SLIT3: variants seen among roughly 807,000 people sequenced by gnomAD.
The protein encoded by SLIT3 is slit homolog 3 protein.
SLIT3 carries 68 observed loss-of-function variants against 184.0 expected under a neutral mutation model. The ratio of observed to expected loss-of-function variants is 0.37; its 90% CI spans 0.30 to 0.45. The LOEUF (loss-of-function observed/expected upper bound fraction) is 0.45. SLIT3 is among the 20% of genes least tolerant of loss of function. SLIT3 has a pLI of 1.00. For synonymous variants in SLIT3, 831 were observed against 828.6 expected (o/e 1.00, Z -0.05); for missense variants, 1,707 against 2,026.0 (o/e 0.84, Z 3.02).
intron 4 of SLIT3, among the ~76,000 whole-genome samples, chr5:169,118,285 T>C (rs1760763070): frequency 1.3e-5 from 2 of 152,184 alleles, no homozygotes; most frequent in Non-Finnish European, 2.9e-5. Flanking sequence ...TTATTAGATA[T>C]GTTGTATGTT....
intron 27 of SLIT3, among the ~76,000 whole-genome samples, chr5:168,699,435 G>A (rs1408990479): frequency 2.6e-5 from 4 of 152,214 alleles, no homozygotes; most frequent in Non-Finnish European, 5.9e-5. Context: ...GCTCACCAGG[G>A]ATGCCAAAGG....
chr5:168,689,763 T>C (rs2113241769), intron 29 of SLIT3, among the ~76,000 whole-genome samples: 1 of 152,330 alleles, frequency 6.6e-6, no homozygotes, highest in East Asian at 1.9e-4. Flanking sequence ...ACTGTGTATC[T>C]CTTTGGCTAA....
intron 4 of SLIT3, among the ~76,000 whole-genome samples, chr5:168,887,586 G>A (rs1377639205): frequency 6.6e-6 from 1 of 152,154 alleles, no homozygotes; most frequent in Non-Finnish European, 1.5e-5. Context: ...CACATTAGTT[G>A]TGTGAATCTG....
intron 4 of SLIT3, among the ~76,000 whole-genome samples, chr5:168,935,280 G>A (rs566714743): frequency 2.0e-5 from 3 of 152,264 alleles, no homozygotes; most frequent in African/African-American, 7.2e-5. Context: ...AAAATGTGGT[G>A]AAGTTGGGAT....
chr5:169,150,783 C>G (rs970339474), intron 4 of SLIT3, among the ~76,000 whole-genome samples: 7 of 152,094 alleles, frequency 4.6e-5, no homozygotes, highest in Admixed American at 3.9e-4. Context: ...CTACTGGTCT[C>G]CAAAGGATCT....
chr5:168,976,409 G>A (rs1754763555), intron 4 of SLIT3, among the ~76,000 whole-genome samples: 1 of 152,212 alleles, frequency 6.6e-6, no homozygotes, highest in Non-Finnish European at 1.5e-5. Context: ...GCATACCACT[G>A]CCTAGTTGTT....
intron 20 of SLIT3, among the ~76,000 whole-genome samples, chr5:168,727,186 G>A (rs11738787): frequency 0.15 from 22,889 of 151,978 alleles, 2,294 homozygotes; most frequent in Non-Finnish European, 0.22. Context: ...TAGGTGTGGT[G>A]GTGCATGCCT....
chr5:168,949,037 C>A (rs1762569540), intron 4 of SLIT3, among the ~76,000 whole-genome samples: 1 of 152,166 alleles, frequency 6.6e-6, no homozygotes, highest in Admixed American at 6.6e-5. Flanking sequence ...CTATGCCCAC[C>A]CCACCTCTCC....
intron 4 of SLIT3, among the ~76,000 whole-genome samples, chr5:168,928,229 A>G (rs1761891778): frequency 6.6e-6 from 1 of 152,216 alleles, no homozygotes; most frequent in African/African-American, 2.4e-5. Flanking sequence ...AAATTGGCTC[A>G]TATGTTAAAA....
rs1034011408 is a variant in SLIT3, at chr5:169,094,802, T to C, written c.413+98677A>G. ...CACTGCTTTGTAAATAAAGCTTTAT[T>C]AGAACACAACCATTTCCATTCATTT... On this transcript the variant is annotated intron_variant, in intron 4 of 35. Transcript: ENST00000519560. Among the ~76,000 whole-genome samples, 15 of 152,334 alleles carry C rather than the reference T, an allele frequency of 9.8e-5. 1 individual carries two copies. Among genetic ancestry groups the C allele is most frequent in the South Asian group, 6.2e-4 (3 of 4,830 alleles).
intron 4 of SLIT3, among the ~76,000 whole-genome samples, chr5:168,900,655 G>T (rs1299837884): frequency 2.0e-5 from 3 of 151,892 alleles, no homozygotes; most frequent in Non-Finnish European, 4.4e-5. Context: ...AAAAACAATT[G>T]CACTTGTATG....
chr5:168,851,349 G>A (rs111422030), intron 5 of SLIT3, among the ~76,000 whole-genome samples: 245 of 150,238 alleles, frequency 1.6e-3, no homozygotes, highest in Middle Eastern at 7.0e-3. Context: ...AGATAGTTAC[G>A]GGGGACAAGC....
intron 4 of SLIT3, among the ~76,000 whole-genome samples, chr5:169,031,088 C>T (rs1275166100): frequency 6.6e-6 from 1 of 152,098 alleles, no homozygotes; most frequent in East Asian, 1.9e-4. Flanking sequence ...GCATAGTAGT[C>T]GTACTAGTCA....
At chr5:168,668,413 A>ATTAGT (rs1761123232) in intron 35 of SLIT3, among the ~76,000 whole-genome samples, 1 of 152,120 alleles carries the variant, frequency 6.6e-6, no homozygotes, top group African/African-American at 2.4e-5. Flanking sequence ...CTAGGGTTTC[A>ATTAGT]TTAGTTTTGA....
At chr5:169,075,242 A>G (rs1413416607) in intron 4 of SLIT3, among the ~76,000 whole-genome samples, 1 of 152,232 alleles carries the variant, frequency 6.6e-6, no homozygotes, top group Non-Finnish European at 1.5e-5. Flanking sequence ...ATTCTACAAG[A>G]AAGTCTAAGT....
chr5:168,691,322 C>G (rs1761898889), intron 29 of SLIT3, among the ~76,000 whole-genome samples: 1 of 152,196 alleles, frequency 6.6e-6, no homozygotes. Context: ...TTCTATGATT[C>G]TAAATTTCTA....
chr5:169,196,830 C>T (rs906516594), intron 3 of SLIT3, among the ~76,000 whole-genome samples: 9 of 152,134 alleles, frequency 5.9e-5, no homozygotes, highest in South Asian at 2.1e-4. Flanking sequence ...GGCAATGAAC[C>T]ACCCTGTGTA....
chr5:169,149,790 G>T lies in SLIT3; in HGVS notation c.413+43689C>A, dbSNP rs528994832. ...GAGTCAGGTGAGATGGTCAATGTTA[G>T]CTGGTCCTTACTTCAGCAGAATCTA... On this transcript the variant is annotated intron_variant, in intron 4 of 35. Transcript: ENST00000519560. Among the ~76,000 whole-genome samples the T allele has an allele frequency of 3.3e-5, 5 of 152,328 alleles. No homozygotes were observed. In the South Asian group the frequency reaches 1.0e-3, roughly 32 times the overall value.
chr5:169,257,764 A>G (rs2113607465), intron 1 of SLIT3, among the ~76,000 whole-genome samples: 1 of 152,022 alleles, frequency 6.6e-6, no homozygotes, highest in African/African-American at 2.4e-5. Flanking sequence ...CATGTTGGCC[A>G]GGCTGTTCTC....
Sources: gnomAD v4.1 joint callset for allele counts (sites outside exome capture counted in the v4.1 genomes callset) on GRCh38, gnomAD v4.1.1 for gene constraint, MANE v1.5 for transcripts, NCBI Gene and HGNC (gene_info 2026-07-23, HGNC 2026-07-21) for gene names.